MPND: variants seen among roughly 807,000 people sequenced by gnomAD.
The protein encoded by MPND is MPN domain containing.
Under a neutral mutation model 59.2 loss-of-function variants are expected in MPND, and 56 were observed. The observed-to-expected ratio is 0.95, with a 90% CI of 0.76 to 1.18. MPND has a LOEUF of 1.18. Ranked by LOEUF, MPND falls within the 50% of genes most tolerant of loss-of-function variation. The probability of loss-of-function intolerance (pLI) is 0.00; values close to 1 mark genes in which losing one functional copy is unlikely to be tolerated. For missense variants in MPND, 671 were observed against 676.0 expected (o/e 0.99, Z 0.08); for synonymous variants, 323 against 291.9 (o/e 1.11, Z -1.09).
chr19:4,357,443 G>T, intron 9 of MPND, 22 bp downstream of exon 9: 4 of 1,610,232 alleles, frequency 2.5e-6, no homozygotes, highest in Non-Finnish European at 3.4e-6. Flanking sequence ...GGGGCTGTGG[G>T]GGGAGCAAGG....
intron 8 of MPND, among the ~76,000 whole-genome samples, chr19:4,355,650 T>C (rs1490588567): frequency 6.6e-6 from 1 of 151,926 alleles, no homozygotes; most frequent in Non-Finnish European, 1.5e-5. Context: ...TTTGTATTTT[T>C]AGTAGAGACA....
Position 4,347,068 on chromosome 19 carries a change from A to C in MPND, c.531+1087A>C, listed in dbSNP as rs114389168. The stretch of plus-strand genomic sequence containing the variant: ...AAAACCCCAAAATGGAGATGGTACC[A>C]GTGCCCATGTGTGGAATCTGTAGGG... On this transcript the variant is annotated intron_variant, in intron 3 of 12. Coordinates refer to ENST00000599840, the MANE Select transcript of MPND (RefSeq NM_001300862.2). Among the ~76,000 whole-genome samples the C allele has an allele frequency of 8.1e-3, 1,225 of 152,082 alleles. 14 individuals carry two copies. The highest frequency in any genetic ancestry group is 0.028 in the African/African-American group (1,177 of 41,486).
At position 4,352,881 on chromosome 19, in the gene MPND, C is replaced by T. The variant is rs750301653; in HGVS notation, c.532-16C>T. The T allele has an allele frequency of 7.4e-7, 1 of 1,357,936 alleles. No individual in the cohort carries two copies. The highest frequency in any genetic ancestry group is 2.8e-5 in the East Asian group (1 of 36,114). The allele number at this position is 1,357,936 out of a possible 1,614,324, so 84.1% of individuals were successfully genotyped here. A position where few individuals can be genotyped will look rare whatever the true frequency, so the allele number is the denominator to read the frequency against. On this transcript the variant is annotated splice_polypyrimidine_tract_variant and intron_variant, in intron 3 of 12. Coordinates refer to ENST00000599840, the MANE Select transcript of MPND (RefSeq NM_001300862.2). Reference sequence around the variant, plus strand: ...CTGAGGGTCCCACCGCTGTCCCTGACCCCTAACCCCTGCAGAGCCCAGCCA... The same window carrying T: ...CTGAGGGTCCCACCGCTGTCCCTGATCCCTAACCCCTGCAGAGCCCAGCCA...
chr19:4,344,060 T>G, intron 2 of MPND, 66 bp downstream of exon 2: 1 of 1,148,674 alleles, frequency 8.7e-7, no homozygotes. Flanking sequence ...GGCCTGGAGT[T>G]CCCTTGCTGC....
At chr19:4,352,750 C>T (rs1489007750) in intron 3 of MPND, 147 bp from the exon 4 acceptor site, 1 of 680,526 alleles carries the variant, frequency 1.5e-6, no homozygotes, top group East Asian at 3.4e-5. Context: ...AGCTTAAGGC[C>T]TTCTCTGCTC....
chr19:4,345,581 T>A lies in MPND; in HGVS notation c.295-164T>A, dbSNP rs115000984. Among the ~76,000 whole-genome samples the A allele has an allele frequency of 8.1e-3, 1,235 of 152,162 alleles. 14 individuals carry two copies. The highest frequency in any genetic ancestry group is 0.029 in the African/African-American group (1,188 of 41,524). On this transcript the variant is annotated intron_variant, in intron 2 of 12. Transcript: ENST00000599840. ...GGTGCAGGCTGATCAGGTTTGTGGG[T>A]GTGGACTCCCAGGCACTGAGGAGGC...
At chr19:4,359,774 C>G (rs572829968) in intron 12 of MPND, 142 bp from the exon 13 acceptor site, 3 of 626,834 alleles carry the variant, frequency 4.8e-6, no homozygotes, top group Non-Finnish European at 8.3e-6. Context: ...GGGTAAGCAG[C>G]AGGCTGTGCT....
chr19:4,356,358 C>A (rs1282021992), intron 8 of MPND, among the ~76,000 whole-genome samples: 1 of 152,004 alleles, frequency 6.6e-6, no homozygotes, highest in African/African-American at 2.4e-5. Flanking sequence ...CAGCCTGGGG[C>A]CACAGCAAGA....
At chr19:4,347,773 C>CA (rs1169080922) in intron 3 of MPND, 16 of 535,064 alleles carry the variant, frequency 3.0e-5, no homozygotes, top group South Asian at 6.7e-5. Flanking sequence ...GACGCAGTGG[C>CA]AAAAAAACCC....
intron 7 of MPND, 22 bp downstream of exon 7, chr19:4,355,043 G>C (rs1268746223): frequency 6.2e-7 from 1 of 1,609,664 alleles, no homozygotes; most frequent in Non-Finnish European, 8.5e-7. Context: ...GGGCCAGGTG[G>C]GCGGGGGCGT....
In MPND at chr19:4,345,826, G is replaced by A. The variant is rs764308510; in HGVS notation, c.376G>A (p.Ala126Thr). The change falls in exon 3 of 13, where the codon GCC (alanine) becomes ACC (threonine). Residue 126 changes from alanine to threonine, a missense_variant. By Grantham distance (58) the Ala-to-Thr change is moderately conservative. Transcript: ENST00000599840. ...ETGQTFNSPS[A>T]WATHCKKLVN... is the part of the protein sequence containing the mutation. ...CGGGCAGACCTTCAACTCACCCAGC[G>A]CCTGGGCCACCCACTGCAAGAAGCT... The A allele has an allele frequency of 1.4e-5, 23 of 1,613,894 alleles. No homozygotes were observed. The South Asian group carries it at 1.4e-4, about 10-fold the overall frequency.
At position 4,358,226 on chromosome 19, in the gene MPND, A is replaced by G. The variant is rs1972489461; in HGVS notation, c.1326+54A>G. On this transcript the variant is annotated intron_variant, in intron 11 of 12. Transcript: ENST00000599840. ...GGGCTGGCAGTGCGCAGCTGGGCAC[A>G]CGATGCGTTGGTCTGCTTCCCACCG... 3.4e-6 allele frequency: 5 copies of G among 1,457,780 alleles called. No homozygotes were observed. In the African/African-American group the frequency reaches 5.6e-5, roughly 16 times the overall value. The allele number at this position is 1,457,780 out of a possible 1,614,324, so 90.3% of individuals were successfully genotyped here. A position where few individuals can be genotyped will look rare whatever the true frequency, so the allele number is the denominator to read the frequency against.
Position 4,355,430 on chromosome 19 carries a change from G to T in MPND, c.996+257G>T, listed in dbSNP as rs373658173. Among the ~76,000 whole-genome samples, 31 of 148,140 alleles carry T rather than the reference G, an allele frequency of 2.1e-4. 1 individual carries two copies. In the East Asian group the frequency reaches 6.1e-3, roughly 29 times the overall value. Reference sequence around the variant, plus strand: ...AGCTCCCTGCAAGCTCCGCCTCCCGGGTTCACGCCATTCTCCTGCCTCAGC... The same window carrying T: ...AGCTCCCTGCAAGCTCCGCCTCCCGTGTTCACGCCATTCTCCTGCCTCAGC... On this transcript the variant is annotated intron_variant, in intron 8 of 12. Transcript: ENST00000599840.
intron 8 of MPND, among the ~76,000 whole-genome samples, chr19:4,356,346 A>G (rs867792286): frequency 6.6e-6 from 1 of 152,074 alleles, no homozygotes; most frequent in South Asian, 2.1e-4. Flanking sequence ...GGAGTTCAAC[A>G]CCAGCCTGGG....
chr19:4,353,937 T>C lies in MPND; in HGVS notation c.665-108T>C, dbSNP rs113448087. ...TCAACCTCCCATGCTCAAGCGATCC[T>C]CCTGCTTCAGCACTGGGATTATAGG... On this transcript the variant is annotated intron_variant, in intron 4 of 12. Coordinates refer to ENST00000599840, the MANE Select transcript of MPND (RefSeq NM_001300862.2). 664 of 926,262 alleles carry C rather than the reference T, an allele frequency of 7.2e-4. 4 individuals are homozygous for C. The African/African-American group carries it at 8.3e-3, about 12-fold the overall frequency. The allele number at this position is 926,262 out of a possible 1,614,324, so 57.4% of individuals were successfully genotyped here.
chr19:4,357,929 G>C lies in MPND; in HGVS notation c.1237-154G>C, dbSNP rs1050366373. 6 of 650,368 alleles carry C rather than the reference G, an allele frequency of 9.2e-6. No homozygotes were observed. In the African/African-American group the frequency reaches 1.1e-4, roughly 12 times the overall value. 40.3% of individuals were successfully genotyped at this position (650,368 alleles called of 1,614,324 possible). ...TCTCCCACAGTAAGGATGCTACACT[G>C]CCTCCCTGGTCCCACCACCAGGTGC... On this transcript the variant is annotated intron_variant, in intron 10 of 12. Coordinates refer to ENST00000599840, the MANE Select transcript of MPND (RefSeq NM_001300862.2).
Position 4,343,766 on chromosome 19 carries a change from G to A in MPND, c.66G>A (p.Glu22=). 8.3e-7 allele frequency: 1 copy of A among 1,209,594 alleles called. No individual in the cohort carries two copies. The highest frequency in any genetic ancestry group is 3.4e-5 in the East Asian group (1 of 29,110). 74.9% of individuals were successfully genotyped at this position (1,209,594 alleles called of 1,614,324 possible). ...GAGEEAPEED[E]DEAEAEDPER... is the part of the protein sequence containing the mutation. Reference sequence around the variant, plus strand: ...GCGAGGAGGCGCCGGAGGAGGACGAGGACGAAGCGGAGGCCGAGGACCCTG... The same window carrying A: ...GCGAGGAGGCGCCGGAGGAGGACGAAGACGAAGCGGAGGCCGAGGACCCTG... Residue 22 remains glutamate, a synonymous_variant, in exon 2 of 13, where the codon GAG becomes GAA. Transcript: ENST00000599840.
At chr19:4,344,312 AG>A (rs1273802263) in intron 2 of MPND, among the ~76,000 whole-genome samples, 1 of 149,320 alleles carries the variant, frequency 6.7e-6, no homozygotes, top group Non-Finnish European at 1.5e-5. Flanking sequence ...GGTGTGAGGA[AG>A]GGAGACTGAG....
chr19:4,359,873 A>G (rs1322183156), intron 12 of MPND, 43 bp from the exon 13 acceptor site: 1 of 1,493,016 alleles, frequency 6.7e-7, no homozygotes. Flanking sequence ...AGGGCTGGCT[A>G]GGACCCCCGG....
Sources: gnomAD v4.1 joint callset for allele counts (sites outside exome capture counted in the v4.1 genomes callset) on GRCh38, gnomAD v4.1.1 for gene constraint, MANE v1.5 for transcripts, NCBI Gene and HGNC (gene_info 2026-07-23, HGNC 2026-07-21) for gene names.